DNAJC27: variants seen among roughly 807,000 people sequenced by gnomAD.
DNAJC27 encodes DnaJ heat shock protein family (Hsp40) member C27.
In DNAJC27, 25 loss-of-function variants were observed where a neutral mutation model predicts 31.4. That is an observed-to-expected ratio of 0.80 (90% CI 0.58 to 1.11). The LOEUF (loss-of-function observed/expected upper bound fraction) is 1.11. Ranked by LOEUF, DNAJC27 falls within the 50% of genes most tolerant of loss-of-function variation. DNAJC27 has a pLI of 0.00. For synonymous variants in DNAJC27, 106 were observed against 112.7 expected (o/e 0.94, Z 0.37); for missense variants, 356 against 347.3 (o/e 1.02, Z -0.20).
At chr2:24,961,019 T>C (rs1390748263) in intron 3 of DNAJC27, among the ~76,000 whole-genome samples, 2 of 152,232 alleles carry the variant, frequency 1.3e-5, no homozygotes, top group South Asian at 2.1e-4. Context: ...AGATGATATC[T>C]AGGACTTTCA....
intron 1 of DNAJC27, among the ~76,000 whole-genome samples, chr2:24,967,642 G>A (rs1666222394): frequency 6.6e-6 from 1 of 151,774 alleles, no homozygotes; most frequent in Admixed American, 6.6e-5. Context: ...GGAGGTTGCA[G>A]TGAGCTGAGA....
chr2:24,959,323 C>T (rs959321173), intron 3 of DNAJC27, among the ~76,000 whole-genome samples: 3 of 152,156 alleles, frequency 2.0e-5, no homozygotes, highest in South Asian at 4.1e-4. Context: ...TTCTTCCTTT[C>T]GTTTTGAATC....
chr2:24,969,924 G>A (rs1006932344), intron 1 of DNAJC27, among the ~76,000 whole-genome samples: 1 of 151,686 alleles, frequency 6.6e-6, no homozygotes, highest in African/African-American at 2.4e-5. Flanking sequence ...AACCCTTATT[G>A]ATGTTTTCAC....
chr2:24,947,451 T>A lies in DNAJC27; in HGVS notation c.*165A>T. ...CATACAAATGCAGGTCATTTCTCAG[T>A]AAAATGTCTATGAAATGGGTACCTG... On this transcript the variant is annotated 3_prime_UTR_variant, in exon 7 of 7. Transcript: ENST00000264711. The A allele has an allele frequency of 1.3e-6, 1 of 776,552 alleles. No homozygotes were observed. The highest frequency in any genetic ancestry group is 2.0e-6 in the Non-Finnish European group (1 of 491,846). The allele number at this position is 776,552 out of a possible 1,614,324, so 48.1% of individuals were successfully genotyped here.
chr2:24,947,430 C>T lies in DNAJC27; in HGVS notation c.*186G>A. Reference sequence around the variant, plus strand: ...GGTGTGACGCTCAGTTCACTTCATACAAATGCAGGTCATTTCTCAGTAAAA... The same window carrying T: ...GGTGTGACGCTCAGTTCACTTCATATAAATGCAGGTCATTTCTCAGTAAAA... On this transcript the variant is annotated 3_prime_UTR_variant, in exon 7 of 7. Coordinates refer to ENST00000264711, the MANE Select transcript of DNAJC27 (RefSeq NM_016544.3). 1 of 636,604 alleles carries T rather than the reference C, an allele frequency of 1.6e-6. No homozygotes were observed. The highest frequency in any genetic ancestry group is 2.6e-6 in the Non-Finnish European group (1 of 378,978). 39.4% of individuals were successfully genotyped at this position (636,604 alleles called of 1,614,324 possible). A position where few individuals can be genotyped will look rare whatever the true frequency, so the allele number is the denominator to read the frequency against.
intron 2 of DNAJC27, 63 bp downstream of exon 2, chr2:24,967,148 G>T: frequency 7.8e-7 from 1 of 1,275,214 alleles, no homozygotes; most frequent in Non-Finnish European, 1.1e-6. Flanking sequence ...TGCAAATATG[G>T]ATCATTTTGG....
At chr2:24,950,752 C>G (rs1354219996) in intron 6 of DNAJC27, among the ~76,000 whole-genome samples, 1 of 151,892 alleles carries the variant, frequency 6.6e-6, no homozygotes, top group Admixed American at 6.6e-5. Context: ...GAGGCTGAGG[C>G]AGGAGTATTG....
intron 5 of DNAJC27, among the ~76,000 whole-genome samples, chr2:24,955,052 A>G (rs1216881440): frequency 6.6e-6 from 1 of 152,252 alleles, no homozygotes; most frequent in Non-Finnish European, 1.5e-5. Flanking sequence ...ATACAAAGAA[A>G]CATGTAAATG....
At chr2:24,961,780 A>C (rs1309522480) in intron 3 of DNAJC27, among the ~76,000 whole-genome samples, 1 of 152,186 alleles carries the variant, frequency 6.6e-6, no homozygotes, top group Non-Finnish European at 1.5e-5. Context: ...AAAATAAATA[A>C]GGAGTTGCTT....
intron 6 of DNAJC27, among the ~76,000 whole-genome samples, chr2:24,950,593 T>A (rs1482226632): frequency 6.6e-6 from 1 of 152,142 alleles, no homozygotes; most frequent in African/African-American, 2.4e-5. Flanking sequence ...ACGCCCGTAA[T>A]CCCAGTAGTT....
rs543882813 is a variant in DNAJC27 at position 24,944,957 on chromosome 2, C to G, written c.*2659G>C. The G allele has an allele frequency of 5.0e-4, 77 of 152,640 alleles. No homozygotes were observed. The highest frequency in any genetic ancestry group is 1.8e-3 in the African/African-American group (74 of 41,536). 9.5% of individuals were successfully genotyped at this position (152,640 alleles called of 1,614,324 possible). A position where few individuals can be genotyped will look rare whatever the true frequency, so the allele number is the denominator to read the frequency against. ...ATTCTTTTTTGAAAAACAAGATTCT[C>G]TATAAAAACGTTTTAGCCATTGTAA... is the stretch of plus-strand genomic sequence containing the variant. On this transcript the variant is annotated 3_prime_UTR_variant, in exon 7 of 7. Transcript: ENST00000264711.
chr2:24,955,476 G>A (rs893813959), intron 5 of DNAJC27, among the ~76,000 whole-genome samples: 2 of 152,096 alleles, frequency 1.3e-5, no homozygotes, highest in African/African-American at 2.4e-5. Flanking sequence ...GAGCCAGAAT[G>A]TGGCCAAAAA....
At chr2:24,961,410 C>T (rs1666037350) in intron 3 of DNAJC27, among the ~76,000 whole-genome samples, 1 of 152,142 alleles carries the variant, frequency 6.6e-6, no homozygotes, top group Non-Finnish European at 1.5e-5. Flanking sequence ...GCTAACACAA[C>T]ATCCATTCTG....
At chr2:24,953,182 T>A (rs1470538573) in intron 5 of DNAJC27, among the ~76,000 whole-genome samples, 2 of 152,202 alleles carry the variant, frequency 1.3e-5, no homozygotes, top group Non-Finnish European at 2.9e-5. Flanking sequence ...ACATATCTCC[T>A]CCTAATTTCT....
intron 1 of DNAJC27, chr2:24,969,365 C>G (rs1325412764): frequency 8.0e-5 from 13 of 162,296 alleles, no homozygotes; most frequent in Middle Eastern, 5.1e-4. Flanking sequence ...TCACAGAAAC[C>G]AACATGGGAA....
At chr2:24,964,207 T>G (rs943783308) in intron 2 of DNAJC27, among the ~76,000 whole-genome samples, 13 of 151,788 alleles carry the variant, frequency 8.6e-5, no homozygotes, top group Non-Finnish European at 1.5e-4. Flanking sequence ...GATCATGAGG[T>G]CAGGAGATCG....
chr2:24,971,875 C>T lies in DNAJC27; in HGVS notation c.30G>A (p.Glu10=). 1 of 1,607,286 alleles carries T rather than the reference C, an allele frequency of 6.2e-7. No homozygotes were observed. The change falls in exon 1 of 7, where the codon GAG becomes GAA. Residue 10 remains glutamate (E), a synonymous_variant. Transcript: ENST00000264711. ...CTTTGATGCGGAGAGACCTGCCGGG[C>T]TCCTTCCGCTTCGGCATGTTGGCCT... MEANMPKRK[E]PGRSLRIKVI...
Position 24,968,319 on chromosome 2 carries a change from AAT to A in DNAJC27, c.88-1028_88-1027del, listed in dbSNP as rs1204827366. Among the ~76,000 whole-genome samples, 14 of 152,286 alleles carry A rather than the reference AAT, an allele frequency of 9.2e-5. No homozygotes were observed. The East Asian group carries it at 2.7e-3, about 29-fold the overall frequency. The stretch of plus-strand genomic sequence containing the variant: ...TTTGTTTTAATTTGCTGTTTGAGTC[AAT>A]GATTATTTACTAAGGCATTCCTTAA... On this transcript the variant is annotated intron_variant, in intron 1 of 6. Coordinates refer to ENST00000264711, the MANE Select transcript of DNAJC27 (RefSeq NM_016544.3).
At chr2:24,971,715 G>A (rs372271720) in intron 1 of DNAJC27, 103 bp downstream of exon 1, 2 of 1,006,366 alleles carry the variant, frequency 2.0e-6, no homozygotes, top group Non-Finnish European at 2.8e-6. Context: ...CTCGGGGGCG[G>A]AGAGGAGGCC....
Sources: gnomAD v4.1 joint callset for allele counts (sites outside exome capture counted in the v4.1 genomes callset) on GRCh38, gnomAD v4.1.1 for gene constraint, MANE v1.5 for transcripts, NCBI Gene and HGNC (gene_info 2026-07-23, HGNC 2026-07-21) for gene names.